The following SULF2 variants were observed in gnomAD, a reference collection of about 807,000 sequenced individuals.
SULF2 encodes extracellular sulfatase Sulf-2.
A neutral mutation model predicts 107.7 loss-of-function variants in SULF2; 52 were observed. The ratio of observed to expected loss-of-function variants is 0.48; its 90% CI spans 0.39 to 0.61. SULF2 has a LOEUF of 0.61. SULF2 is among the 20% of genes least tolerant of loss of function. The pLI is 0.00. For synonymous variants in SULF2, 460 were observed against 464.3 expected, an observed-to-expected ratio of 0.99 and a Z score of 0.12; for missense variants, 993 against 1,177.3, an observed-to-expected ratio of 0.84 and a Z score of 2.29.
intron 2 of SULF2, among the ~76,000 whole-genome samples, chr20:47,745,462 T>TGTAC (rs2090013962): frequency 4.9e-5 from 1 of 20,276 alleles, no homozygotes; most frequent in African/African-American, 4.5e-4. Flanking sequence ...TATATACACA[T>TGTAC]ACACACACAC....
At position 47,684,482 on chromosome 20, in the gene SULF2, G is replaced by C. The variant is rs960833119; in HGVS notation, c.837C>G (p.Leu279=). The C allele has an allele frequency of 8.1e-6, 13 of 1,613,932 alleles. No individual in the cohort carries two copies. Among genetic ancestry groups the C allele is most frequent in the Non-Finnish European group, 1.1e-5 (13 of 1,179,972 alleles). Reference sequence around the variant, plus strand: ...TGAGGGTCTGCAAGCGCTTCCGCTGGAGCATGTTGGTGAATTCCATGTGGA... The same window carrying C: ...TGAGGGTCTGCAAGCGCTTCCGCTGCAGCATGTTGGTGAATTCCATGTGGA... ...KPIHMEFTNM[L]QRKRLQTLMS... The change falls in exon 6 of 21, where the codon CTC becomes CTG. Residue 279 remains leucine (L), a synonymous_variant. Transcript: ENST00000688720.
intron 2 of SULF2, among the ~76,000 whole-genome samples, chr20:47,737,585 C>A (rs1013583112): frequency 6.6e-6 from 1 of 151,862 alleles, no homozygotes; most frequent in African/African-American, 2.4e-5. Flanking sequence ...GAACCCACCA[C>A]CCCTCACCCC....
intron 14 of SULF2, 77 bp from the exon 15 acceptor site, chr20:47,664,266 T>A: frequency 7.0e-7 from 1 of 1,437,538 alleles, no homozygotes; most frequent in African/African-American, 1.4e-5. Context: ...CTGTGATTTC[T>A]GGGACTCCCA....
At chr20:47,763,879 C>T (rs977575348) in intron 1 of SULF2, among the ~76,000 whole-genome samples, 1 of 152,180 alleles carries the variant, frequency 6.6e-6, no homozygotes, top group Non-Finnish European at 1.5e-5. Context: ...CTCCACTGAA[C>T]GGCCTTCAAT....
chr20:47,684,306 G>GC lies in SULF2; in HGVS notation c.888+124dup, dbSNP rs540231490. ...CTGTTCCCCAGGTCTAGCACATGGGGCCTCTTCATTCTGCCTTTGATTTCT... is the reference window on the plus strand; with the variant it reads ...CTGTTCCCCAGGTCTAGCACATGGGGCCCTCTTCATTCTGCCTTTGATTTCT... On this transcript the variant is annotated intron_variant, in intron 6 of 20. Transcript: ENST00000688720. The GC allele has an allele frequency of 8.1e-3, 8,428 of 1,034,796 alleles. 40 individuals are homozygous for GC. The highest frequency in any genetic ancestry group is 0.01 in the Non-Finnish European group (7,445 of 739,308). 64.1% of individuals were successfully genotyped at this position (1,034,796 alleles called of 1,614,324 possible).
chr20:47,731,833 T>G (rs1188035115), intron 3 of SULF2, among the ~76,000 whole-genome samples: 1 of 152,186 alleles, frequency 6.6e-6, no homozygotes, highest in Non-Finnish European at 1.5e-5. Context: ...TCACCAACAT[T>G]TGGTGCGATG....
intron 3 of SULF2, among the ~76,000 whole-genome samples, chr20:47,721,285 C>T (rs565827595): frequency 1.3e-4 from 20 of 151,964 alleles, no homozygotes; most frequent in Admixed American, 6.6e-4. Flanking sequence ...TGATTCCGCA[C>T]GAAAGAGGCA....
intron 18 of SULF2, among the ~76,000 whole-genome samples, chr20:47,660,075 G>C (rs1194229274): frequency 6.6e-6 from 1 of 152,218 alleles, no homozygotes; most frequent in African/African-American, 2.4e-5. Context: ...CCCTGACCAA[G>C]TGCAGGAGGG....
chr20:47,745,471 A>C (rs2090014783), intron 2 of SULF2, among the ~76,000 whole-genome samples: 1 of 108,502 alleles, frequency 9.2e-6, no homozygotes, highest in South Asian at 3.1e-4. Flanking sequence ...ATACACACAC[A>C]CTTTTTTAGT....
rs573884066 is a variant in SULF2, at chr20:47,697,325, G to A, written c.567+5194C>T. 2.6e-5 allele frequency among the ~76,000 whole-genome samples: 4 copies of A among 152,330 alleles called. No individual in the cohort carries two copies. The East Asian group carries it at 7.7e-4, about 29-fold the overall frequency. On this transcript the variant is annotated intron_variant, in intron 4 of 20. Coordinates refer to ENST00000688720, the MANE Select transcript of SULF2 (RefSeq NM_001387048.1). Reference sequence around the variant, plus strand: ...GGCATGTGCCCATCTGTGGATTAGTGACTTGGGACAGAGTCCTCAGAGGCC... The same window carrying A: ...GGCATGTGCCCATCTGTGGATTAGTAACTTGGGACAGAGTCCTCAGAGGCC...
chr20:47,773,166 G>T (rs917430351), intron 1 of SULF2, among the ~76,000 whole-genome samples: 5 of 152,294 alleles, frequency 3.3e-5, no homozygotes, highest in African/African-American at 9.6e-5. Context: ...CACCTACTAT[G>T]TGCCACATGC....
At chr20:47,737,058 A>G in intron 2 of SULF2, 116 bp from the exon 3 acceptor site, 1 of 1,408,228 alleles carries the variant, frequency 7.1e-7, no homozygotes, top group Non-Finnish European at 9.7e-7. Flanking sequence ...CTGCAGACCT[A>G]CGGGGCAGAC....
At chr20:47,671,331 G>C (rs1482393563) in intron 11 of SULF2, among the ~76,000 whole-genome samples, 1 of 151,922 alleles carries the variant, frequency 6.6e-6, no homozygotes, top group East Asian at 1.9e-4. Context: ...TTTTGAGACC[G>C]AGTCTCACTC....
At chr20:47,747,002 T>C (rs866720977) in intron 2 of SULF2, among the ~76,000 whole-genome samples, 3 of 91,806 alleles carry the variant, frequency 3.3e-5, no homozygotes, top group African/African-American at 4.5e-5. Flanking sequence ...AAAATATATA[T>C]ATATATATAT....
At chr20:47,677,418 G>A (rs2087682887) in intron 8 of SULF2, among the ~76,000 whole-genome samples, 1 of 145,362 alleles carries the variant, frequency 6.9e-6, no homozygotes, top group Non-Finnish European at 1.5e-5. Context: ...GTGTGTGTGT[G>A]TGTGTGTGTG....
chr20:47,737,375 T>C (rs2146790958), intron 2 of SULF2, among the ~76,000 whole-genome samples: 1 of 140,174 alleles, frequency 7.1e-6, no homozygotes, highest in Non-Finnish European at 1.6e-5. Context: ...TTTTTTCTTT[T>C]GGAAACCAAC....
rs761516599 is a variant in SULF2, at chr20:47,702,597, G to A, written c.489C>T (p.Leu163=). ...VPPGWKEWVG[L]LKNSRFYNYT... Reference sequence around the variant, plus strand: ...AGTTATAAAAGCGGGAGTTTTTAAGGAGTCCGACCCACTCCTTCCAGCCGG... The same window carrying A: ...AGTTATAAAAGCGGGAGTTTTTAAGAAGTCCGACCCACTCCTTCCAGCCGG... Residue 163 remains leucine, a synonymous_variant, in exon 4 of 21, where the codon CTC becomes CTT. Coordinates refer to ENST00000688720, the MANE Select transcript of SULF2 (RefSeq NM_001387048.1). The A allele has an allele frequency of 1.9e-6, 3 of 1,613,736 alleles. No homozygotes were observed. Among genetic ancestry groups the A allele is most frequent in the South Asian group, 2.2e-5 (2 of 91,052 alleles).
chr20:47,673,495 C>G (rs1173387909), intron 10 of SULF2, among the ~76,000 whole-genome samples: 5 of 152,072 alleles, frequency 3.3e-5, no homozygotes, highest in Non-Finnish European at 7.4e-5. Flanking sequence ...CACCATCCCC[C>G]CCAACCCTCT....
chr20:47,683,295 T>G, intron 6 of SULF2, 126 bp from the exon 7 acceptor site: 1 of 942,138 alleles, frequency 1.1e-6, no homozygotes, highest in Non-Finnish European at 1.5e-6. Flanking sequence ...TTGCTCAACT[T>G]TCCCAGGGGC....
Sources: gnomAD v4.1 joint callset for allele counts (sites outside exome capture counted in the v4.1 genomes callset) on GRCh38, gnomAD v4.1.1 for gene constraint, MANE v1.5 for transcripts, NCBI Gene and HGNC (gene_info 2026-07-23, HGNC 2026-07-21) for gene names.